Variants in TCERG1L observed in about 807,000 individuals in gnomAD.
The protein encoded by TCERG1L is transcription elongation regulator 1 like, also known as transcription elongation regulator 1-like protein.
Under a neutral mutation model 56.3 loss-of-function variants are expected in TCERG1L, and 37 were observed. The ratio of observed to expected loss-of-function variants is 0.66; its 90% CI spans 0.51 to 0.87. The LOEUF (loss-of-function observed/expected upper bound fraction) is 0.87. TCERG1L is among the 40% of genes least tolerant of loss of function. TCERG1L has a pLI of 0.00. For synonymous variants in TCERG1L, 324 were observed against 326.3 expected, an observed-to-expected ratio of 0.99 and a Z score of 0.08; for missense variants, 799 against 774.2, an observed-to-expected ratio of 1.03 and a Z score of -0.38.
intron 3 of TCERG1L, among the ~76,000 whole-genome samples, chr10:131,277,709 G>T (rs1175258592): frequency 1.3e-5 from 2 of 152,216 alleles, no homozygotes; most frequent in South Asian, 4.1e-4. Flanking sequence ...GATAAACACA[G>T]AGGCAGGCAT....
At position 131,267,904 on chromosome 10, in the gene TCERG1L, G is replaced by A. The variant is rs1216047877; in HGVS notation, c.671-7460C>T. Among the ~76,000 whole-genome samples, 5 of 152,204 alleles carry A rather than the reference G, an allele frequency of 3.3e-5. No individual in the cohort carries two copies. Among genetic ancestry groups the A allele is most frequent in the Non-Finnish European group, 7.3e-5 (5 of 68,028 alleles). ...TGATGTTGCCACAAGTTCCCCGGGG[G>A]CCCTAGTGCTCAGGGGTGGTCCAGG... On this transcript the variant is annotated intron_variant, in intron 3 of 11. Transcript: ENST00000368642. This position sits in a 1 kb window ranked among gnomAD's most constrained non-coding sequence, Gnocchi z 4.9.
intron 4 of TCERG1L, among the ~76,000 whole-genome samples, chr10:131,177,900 A>G (rs1033313213): frequency 8.0e-5 from 12 of 150,868 alleles, no homozygotes; most frequent in Admixed American, 8.0e-4. Context: ...CGCACTGCAC[A>G]CAGGAGCCGT....
intron 3 of TCERG1L, 148 bp downstream of exon 3, chr10:131,308,063 T>A (rs921639570): frequency 5.9e-5 from 57 of 972,154 alleles, no homozygotes; most frequent in African/African-American, 1.5e-4. Flanking sequence ...TAGTTTTTTT[T>A]AAAAAAGCTT....
At chr10:131,289,786 G>A (rs1481819608) in intron 3 of TCERG1L, among the ~76,000 whole-genome samples, 2 of 44,318 alleles carry the variant, frequency 4.5e-5, no homozygotes, top group African/African-American at 1.2e-4. Context: ...GTGAGTGTAT[G>A]TGTGCACTGC....
At chr10:131,105,672 A>C (rs1438490256) in intron 9 of TCERG1L, among the ~76,000 whole-genome samples, 2 of 150,604 alleles carry the variant, frequency 1.3e-5, no homozygotes, top group African/African-American at 4.9e-5. Context: ...AGCCCATGCT[A>C]GGGCTGGACT....
rs773167690 is a variant in TCERG1L, at chr10:131,104,266, T to C, written c.1484A>G (p.Gln495Arg). The C allele has an allele frequency of 6.5e-7, 1 of 1,546,752 alleles. No homozygotes were observed. The highest frequency in any genetic ancestry group is 1.2e-5 in the South Asian group (1 of 83,808). Residue 495 changes from glutamine (Q) to arginine (R), a missense_variant and splice_region_variant, in exon 10 of 12, where the codon CAG becomes CGG. Gln to Arg is a conservative substitution (Grantham distance 43). Coordinates refer to ENST00000368642, the MANE Select transcript of TCERG1L (RefSeq NM_174937.4). ...YLLLNSEERKQIFEQFVKTRI... is the reference protein window; with the variant it reads ...YLLLNSEERKRIFEQFVKTRI... The stretch of plus-strand genomic sequence containing the variant: ...CAAAGTGCCTTCCCACCCAGTTACC[T>C]GCTTTCGTTCCTCAGAGTTGAGCAG...
At chr10:131,172,888 A>AT (rs3065371) in intron 4 of TCERG1L, among the ~76,000 whole-genome samples, 8,868 of 135,422 alleles carry the variant, frequency 0.065, 634 homozygotes, top group African/African-American at 0.17. Flanking sequence ...ATAATCAATG[A>AT]TTTTTTTTTT....
At chr10:131,285,496 GAA>G (rs1554899503) in intron 3 of TCERG1L, among the ~76,000 whole-genome samples, 3 of 18,480 alleles carry the variant, frequency 1.6e-4, no homozygotes, top group African/African-American at 2.9e-4. Context: ...AAGAAAGAAA[GAA>G]AGAAAGAAAG....
chr10:131,188,315 GCTC>G (rs1303675641), intron 4 of TCERG1L, among the ~76,000 whole-genome samples: 1 of 152,124 alleles, frequency 6.6e-6, no homozygotes, highest in Non-Finnish European at 1.5e-5. Flanking sequence ...ACGGGCACGC[GCTC>G]CTCATTTCCA....
At chr10:131,100,983 CT>C (rs545394022) in intron 10 of TCERG1L, among the ~76,000 whole-genome samples, 105 of 152,334 alleles carry the variant, frequency 6.9e-4, no homozygotes, top group African/African-American at 2.5e-3. Context: ...CCCACTGGAC[CT>C]TCTGGGACCA....
chr10:131,185,087 C>T (rs1431633151), intron 4 of TCERG1L, among the ~76,000 whole-genome samples: 1 of 151,768 alleles, frequency 6.6e-6, no homozygotes, highest in Non-Finnish European at 1.5e-5. Context: ...CAGAGCGAGA[C>T]CCTATCTCAA....
At chr10:131,174,542 C>G (rs1035878173) in intron 4 of TCERG1L, among the ~76,000 whole-genome samples, 7 of 152,162 alleles carry the variant, frequency 4.6e-5, no homozygotes, top group Non-Finnish European at 8.8e-5. Context: ...CTCACCCGCC[C>G]GTTCCCCAGC....
intron 4 of TCERG1L, among the ~76,000 whole-genome samples, chr10:131,213,614 C>A (rs1845639171): frequency 6.6e-6 from 1 of 152,216 alleles, no homozygotes; most frequent in South Asian, 2.1e-4. Context: ...CTATCTCCAG[C>A]ACTGCTGTGG....
chr10:131,095,838 T>A (rs1157354631), intron 11 of TCERG1L: 3 of 152,210 alleles, frequency 2.0e-5, no homozygotes, highest in Non-Finnish European at 4.4e-5. Context: ...TTTCTACCAC[T>A]CGTTTTCCTT....
chr10:131,107,870 T>A (rs58700239), intron 9 of TCERG1L, among the ~76,000 whole-genome samples: 6,013 of 151,910 alleles, frequency 0.04, 195 homozygotes, highest in African/African-American at 0.092. Context: ...CAGGCACACA[T>A]GTACACATGC....
At chr10:131,270,715 T>A (rs534091154) in intron 3 of TCERG1L, among the ~76,000 whole-genome samples, 19 of 152,220 alleles carry the variant, frequency 1.2e-4, no homozygotes, top group Middle Eastern at 3.4e-3. Context: ...TGGTTGCATG[T>A]TTTTTTTCAA....
At chr10:131,213,316 G>A (rs1845635645) in intron 4 of TCERG1L, among the ~76,000 whole-genome samples, 1 of 152,234 alleles carries the variant, frequency 6.6e-6, no homozygotes, top group Admixed American at 6.5e-5. Flanking sequence ...CGTGAACGTG[G>A]GAGGGCTTGA....
At chr10:131,178,021 G>A (rs1845126532) in intron 4 of TCERG1L, among the ~76,000 whole-genome samples, 2 of 152,036 alleles carry the variant, frequency 1.3e-5, no homozygotes, top group African/African-American at 4.8e-5. Context: ...CACATTCCGG[G>A]ACAGTCACAC....
Position 131,285,473 on chromosome 10 carries a change from A to G in TCERG1L, c.670+22738T>C, listed in dbSNP as rs1166433082. Among the ~76,000 whole-genome samples the G allele has an allele frequency of 1.1e-3, 15 of 13,194 alleles. No individual in the cohort carries two copies. The East Asian group carries it at 0.044, about 39-fold the overall frequency. 8.7% of individuals were successfully genotyped at this position (13,194 alleles called of 152,430 possible). ...AGAAAGAGAGAGAAAGGGAAGAAAG[A>G]AAGAAAGAAAGAAAGAAAGAAAGAA... On this transcript the variant is annotated intron_variant, in intron 3 of 11. Transcript: ENST00000368642.
Sources: allele counts gnomAD v4.1 joint callset (sites outside exome capture counted in the v4.1 genomes callset), GRCh38; gene constraint gnomAD v4.1.1; non-coding constraint Gnocchi (gnomAD v3.1); transcripts MANE v1.5; gene names NCBI Gene and HGNC (gene_info 2026-07-23, HGNC 2026-07-21).